The following HECW1 variants were observed in gnomAD, a reference collection of about 807,000 sequenced individuals.
HECW1 encodes the protein E3 ubiquitin-protein ligase HECW1.
Under a neutral mutation model 182.3 loss-of-function variants are expected in HECW1, and 61 were observed. The ratio of observed to expected loss-of-function variants is 0.33; its 90% CI spans 0.27 to 0.41. HECW1 has a LOEUF of 0.41. HECW1 is among the 10% of genes least tolerant of loss of function. HECW1 has a pLI of 1.00. For synonymous variants in HECW1, 859 were observed against 832.6 expected, an observed-to-expected ratio of 1.03 and a Z score of -0.55; for missense variants, 1,739 against 2,108.9, an observed-to-expected ratio of 0.82 and a Z score of 3.44.
intron 28 of HECW1, among the ~76,000 whole-genome samples, chr7:43,553,292 A>T (rs1233507840): frequency 6.6e-6 from 1 of 152,168 alleles, no homozygotes; most frequent in Admixed American, 6.5e-5. Context: ...GTAGAGAGTG[A>T]GCTGGGGGCA....
At chr7:43,120,334 C>T (rs958245880) in intron 2 of HECW1, among the ~76,000 whole-genome samples, 2 of 152,160 alleles carry the variant, frequency 1.3e-5, no homozygotes, top group African/African-American at 4.8e-5. Context: ...TCTGACCACA[C>T]ACAATGTGCT....
intron 9 of HECW1, chr7:43,439,507 G>C (rs2076813051): frequency 6.5e-6 from 1 of 152,672 alleles, no homozygotes; most frequent in South Asian, 2.1e-4. Flanking sequence ...TCTCACAGCT[G>C]TTAGCACCTC....
chr7:43,393,907 A>T (rs186028443), intron 6 of HECW1, among the ~76,000 whole-genome samples: 17 of 152,342 alleles, frequency 1.1e-4, no homozygotes, highest in Non-Finnish European at 2.2e-4. Context: ...AAAAATATAC[A>T]TTGGAATGCA....
intron 6 of HECW1, among the ~76,000 whole-genome samples, chr7:43,367,650 G>A (rs1816813999): frequency 6.6e-6 from 1 of 152,156 alleles, no homozygotes; most frequent in African/African-American, 2.4e-5. Flanking sequence ...GATCAATGCT[G>A]CCCAGACATT....
At chr7:43,439,941 C>G (rs182801621) in intron 9 of HECW1, 129 of 152,468 alleles carry the variant, frequency 8.5e-4, no homozygotes, top group African/African-American at 3.1e-3. Context: ...GCCATGGAGG[C>G]GTTTTTCCTC....
chr7:43,157,893 A>C (rs1343989450), intron 2 of HECW1, among the ~76,000 whole-genome samples: 1 of 152,186 alleles, frequency 6.6e-6, no homozygotes, highest in Non-Finnish European at 1.5e-5. Context: ...ATTTCCTCAC[A>C]TCCACAGAAA....
chr7:43,185,446 G>A (rs1329024119), intron 2 of HECW1, among the ~76,000 whole-genome samples: 7 of 152,214 alleles, frequency 4.6e-5, no homozygotes, highest in Non-Finnish European at 8.8e-5. Context: ...TCTTGCAACT[G>A]GCATCTGAAG....
At chr7:43,240,270 G>A (rs935257928) in intron 2 of HECW1, among the ~76,000 whole-genome samples, 16 of 152,170 alleles carry the variant, frequency 1.1e-4, no homozygotes, top group African/African-American at 3.1e-4. Context: ...CCCGGGAGGC[G>A]GAGCTTGCAG....
At chr7:43,278,479 C>A (rs148588096) in intron 3 of HECW1, among the ~76,000 whole-genome samples, 1 of 152,114 alleles carries the variant, frequency 6.6e-6, no homozygotes, top group African/African-American at 2.4e-5. Context: ...CCATGCGGCC[C>A]GTTCTCATCA....
intron 22 of HECW1, 22 bp from the exon 23 acceptor site, chr7:43,507,996 C>T: frequency 6.3e-7 from 1 of 1,576,042 alleles, no homozygotes; most frequent in South Asian, 1.1e-5. Flanking sequence ...GGCCACTGCT[C>T]ACCACCCCTT....
chr7:43,541,283 C>G (rs776984757), intron 25 of HECW1, 22 bp downstream of exon 25: 17 of 1,574,728 alleles, frequency 1.1e-5, no homozygotes, highest in Non-Finnish European at 1.7e-6. Flanking sequence ...GCAGACCATG[C>G]TTCCAACCCA....
At chr7:43,195,062 C>G (rs1794317639) in intron 2 of HECW1, among the ~76,000 whole-genome samples, 1 of 152,134 alleles carries the variant, frequency 6.6e-6, no homozygotes, top group African/African-American at 2.4e-5. Flanking sequence ...TTTCCCAAGA[C>G]TTTGGCAATC....
At chr7:43,559,443 T>C (rs1315194235) in intron 29 of HECW1, among the ~76,000 whole-genome samples, 8 of 152,182 alleles carry the variant, frequency 5.3e-5, no homozygotes, top group Non-Finnish European at 8.8e-5. Flanking sequence ...ACAATCATGG[T>C]TGCATTATTA....
intron 24 of HECW1, chr7:43,523,077 C>G: frequency 2.3e-6 from 1 of 433,824 alleles, no homozygotes; most frequent in South Asian, 1.7e-5. Flanking sequence ...GATCTTGGCT[C>G]ACTGCAACCT....
intron 19 of HECW1, among the ~76,000 whole-genome samples, chr7:43,496,463 G>T (rs903259870): frequency 1.3e-5 from 2 of 152,086 alleles, no homozygotes; most frequent in African/African-American, 4.8e-5. Context: ...TGTTCTTCAG[G>T]AGGTCAAGCT....
At chr7:43,203,973 G>A (rs1227776093) in intron 2 of HECW1, among the ~76,000 whole-genome samples, 1 of 152,056 alleles carries the variant, frequency 6.6e-6, no homozygotes, top group African/African-American at 2.4e-5. Context: ...AATTATAAAT[G>A]GACTCTTTTT....
chr7:43,562,135 A>G lies in HECW1; in HGVS notation c.*209A>G, dbSNP rs773261644. The G allele has an allele frequency of 1.1e-5, 6 of 542,068 alleles. No homozygotes were observed. The highest frequency in any genetic ancestry group is 4.3e-5 in the South Asian group (2 of 46,252). 33.6% of individuals were successfully genotyped at this position (542,068 alleles called of 1,614,324 possible). A position where few individuals can be genotyped will look rare whatever the true frequency, so the allele number is the denominator to read the frequency against. ...TTCAGGCTTCTCTCCTCTGTTTTCA[A>G]TGAACTGCTAGCCTGTATGCAATAT... On this transcript the variant is annotated 3_prime_UTR_variant, in exon 30 of 30. Coordinates refer to ENST00000395891, the MANE Select transcript of HECW1 (RefSeq NM_015052.5).
chr7:43,470,293 G>T (rs748034757), intron 16 of HECW1, among the ~76,000 whole-genome samples: 1 of 152,188 alleles, frequency 6.6e-6, no homozygotes, highest in Non-Finnish European at 1.5e-5. Context: ...ATCAGAGCTC[G>T]GTTTCGGGTA....
chr7:43,225,791 CTT>C (rs919183942), intron 2 of HECW1, among the ~76,000 whole-genome samples: 1 of 146,838 alleles, frequency 6.8e-6, no homozygotes, highest in African/African-American at 2.5e-5. Context: ...CTGAATAGAT[CTT>C]TTTTTTTTTG....
Sources: allele counts gnomAD v4.1 joint callset (sites outside exome capture counted in the v4.1 genomes callset), GRCh38; gene constraint gnomAD v4.1.1; transcripts MANE v1.5; gene names NCBI Gene and HGNC (gene_info 2026-07-23, HGNC 2026-07-21).